The following SLA2 variants were observed in gnomAD, a reference collection of about 807,000 sequenced individuals.
SLA2 encodes the protein Src like adaptor 2, also known as src-like-adapter 2.
A neutral mutation model predicts 27.3 loss-of-function variants in SLA2; 22 were observed. The observed-to-expected ratio is 0.81, with a 90% confidence interval of 0.58 to 1.15. The LOEUF is 1.15. Among genes scored for constraint, SLA2 ranks in the 50% most tolerant of loss-of-function variants. SLA2 has a pLI of 0.00. For synonymous variants in SLA2, 131 were observed against 137.8 expected, an observed-to-expected ratio of 0.95 and a Z score of 0.34; for missense variants, 304 against 322.2, an observed-to-expected ratio of 0.94 and a Z score of 0.43.
intron 1 of SLA2, among the ~76,000 whole-genome samples, chr20:36,644,116 T>C (rs924837501): frequency 6.6e-6 from 1 of 152,114 alleles, no homozygotes; most frequent in Non-Finnish European, 1.5e-5. Flanking sequence ...GCAGCCTGGG[T>C]ACACTGAAAT....
intron 2 of SLA2, among the ~76,000 whole-genome samples, chr20:36,636,139 C>T (rs71351034): frequency 0.088 from 13,437 of 152,084 alleles, 837 homozygotes; most frequent in Middle Eastern, 0.15. Flanking sequence ...TGCAAGAGGC[C>T]GGGCGCGGTG....
chr20:36,616,056 C>G (rs752694863), intron 5 of SLA2, among the ~76,000 whole-genome samples: 1 of 152,266 alleles, frequency 6.6e-6, no homozygotes, highest in Middle Eastern at 3.4e-3. Flanking sequence ...CAGCCTGATT[C>G]TATTTAAAGT....
chr20:36,622,987 G>A (rs2039300162), intron 5 of SLA2, among the ~76,000 whole-genome samples: 1 of 152,182 alleles, frequency 6.6e-6, no homozygotes, highest in Non-Finnish European at 1.5e-5. Flanking sequence ...CTACAGCTAA[G>A]GCTAGGTGCG....
chr20:36,640,346 C>A (rs2039494013), intron 2 of SLA2, among the ~76,000 whole-genome samples: 2 of 152,168 alleles, frequency 1.3e-5, no homozygotes, highest in East Asian at 3.9e-4. Flanking sequence ...CCTAATTTCA[C>A]TTCAGGTAAT....
At chr20:36,641,447 C>A in intron 1 of SLA2, 69 bp from the exon 2 acceptor site, 1 of 859,202 alleles carries the variant, frequency 1.2e-6, no homozygotes, top group Non-Finnish European at 1.9e-6. Flanking sequence ...TCTCCCTCCC[C>A]AGATCGGCCC....
At chr20:36,628,553 T>C (rs1002169726) in intron 5 of SLA2, among the ~76,000 whole-genome samples, 1 of 152,050 alleles carries the variant, frequency 6.6e-6, no homozygotes, top group Non-Finnish European at 1.5e-5. Flanking sequence ...ATTGAATTTA[T>C]TTATTTATTT....
At chr20:36,633,351 C>T (rs559678914) in intron 4 of SLA2, among the ~76,000 whole-genome samples, 192 bp downstream of exon 4, 1 of 152,328 alleles carries the variant, frequency 6.6e-6, no homozygotes, top group South Asian at 2.1e-4. Context: ...TTCCCAAGCC[C>T]TTCCTCTGGC....
intron 5 of SLA2, among the ~76,000 whole-genome samples, chr20:36,627,311 A>T (rs2039349270): frequency 6.6e-6 from 1 of 152,174 alleles, no homozygotes; most frequent in African/African-American, 2.4e-5. Context: ...GGGGTCAGGT[A>T]TTCCAGTGAT....
At chr20:36,632,229 G>A (rs1438171474) in intron 5 of SLA2, among the ~76,000 whole-genome samples, 4 of 152,094 alleles carry the variant, frequency 2.6e-5, no homozygotes, top group African/African-American at 9.7e-5. Flanking sequence ...TTGTCCCGAG[G>A]TGCAGCCCAC....
intron 5 of SLA2, among the ~76,000 whole-genome samples, chr20:36,630,173 G>A (rs910742586): frequency 6.6e-6 from 1 of 152,158 alleles, no homozygotes; most frequent in Non-Finnish European, 1.5e-5. Context: ...ACTCCGCAAC[G>A]CTGCTGTGGT....
In SLA2 at chr20:36,615,554, G is replaced by A. The variant is rs558940912; in HGVS notation, c.383-180C>T. ...TCAATAATATGTTCATAATAGATGG[G>A]GGTCTTGTGAGGGTGAAATCAAATC... is the stretch of plus-strand genomic sequence containing the variant. On this transcript the variant is annotated intron_variant, in intron 5 of 7. Transcript: ENST00000262866. Among the ~76,000 whole-genome samples the A allele has an allele frequency of 1.6e-4, 24 of 152,310 alleles. No individual in the cohort carries two copies. The South Asian group carries it at 4.8e-3, about 30-fold the overall frequency.
At chr20:36,614,856 TG>T in intron 6 of SLA2, 1 of 985,382 alleles carries the variant, frequency 1.0e-6, no homozygotes, top group Non-Finnish European at 1.2e-6. Flanking sequence ...TTCCAGTGTC[TG>T]TTGAAGGACA....
intron 1 of SLA2, 89 bp downstream of exon 1, chr20:36,645,747 CA>C (rs1462278764): frequency 6.6e-6 from 1 of 152,164 alleles, no homozygotes; most frequent in Non-Finnish European, 1.5e-5. Context: ...TTCCCAACAG[CA>C]AATAAAGCCC....
chr20:36,615,152 T>C, intron 6 of SLA2, 73 bp downstream of exon 6: 4 of 1,604,446 alleles, frequency 2.5e-6, no homozygotes, highest in Non-Finnish European at 1.7e-6. Context: ...AGGTAAAATA[T>C]CCAAGGGCAC....
chr20:36,641,486 G>C, intron 1 of SLA2, 108 bp from the exon 2 acceptor site: 1 of 602,186 alleles, frequency 1.7e-6, no homozygotes, highest in Non-Finnish European at 3.0e-6. Context: ...GCATGTGAAT[G>C]ACCTCCCTCC....
intron 5 of SLA2, among the ~76,000 whole-genome samples, chr20:36,622,372 A>C (rs973292783): frequency 1.3e-5 from 2 of 151,760 alleles, no homozygotes; most frequent in African/African-American, 4.8e-5. Flanking sequence ...AAAAAACAAA[A>C]AACTGAAAAA....
At chr20:36,634,942 C>G (rs776399118) in intron 2 of SLA2, among the ~76,000 whole-genome samples, 1 of 152,188 alleles carries the variant, frequency 6.6e-6, no homozygotes, top group African/African-American at 2.4e-5. Flanking sequence ...ATCCTCCAGC[C>G]TCAGCCTCCT....
chr20:36,628,894 C>T (rs867094553), intron 5 of SLA2, among the ~76,000 whole-genome samples: 2 of 151,878 alleles, frequency 1.3e-5, no homozygotes, highest in South Asian at 2.1e-4. Flanking sequence ...AACCATGACC[C>T]GCAGGAAAAT....
rs140612882 is a variant in SLA2, at chr20:36,642,339, G to A, written c.-43-961C>T. ...TCAACATACAGGTCCGAGAGATAAC[G>A]CACATGAAAACCCTGACCAGCCCCC... is the stretch of plus-strand genomic sequence containing the variant. On this transcript the variant is annotated intron_variant, in intron 1 of 7. Coordinates refer to ENST00000262866, the MANE Select transcript of SLA2 (RefSeq NM_032214.4). Among the ~76,000 whole-genome samples, 842 of 149,228 alleles carry A rather than the reference G, an allele frequency of 5.6e-3. 12 individuals are homozygous for A. Among genetic ancestry groups the A allele is most frequent in the African/African-American group, 0.02 (818 of 40,534 alleles).
Sources: allele counts gnomAD v4.1 joint callset (sites outside exome capture counted in the v4.1 genomes callset), GRCh38; gene constraint gnomAD v4.1.1; transcripts MANE v1.5; gene names NCBI Gene and HGNC (gene_info 2026-07-23, HGNC 2026-07-21).